Variants in ZMAT4 observed in about 807,000 individuals in gnomAD.
ZMAT4 encodes the protein zinc finger matrin-type 4.
A neutral mutation model predicts 28.7 loss-of-function variants in ZMAT4; 17 were observed. The ratio of observed to expected loss-of-function variants is 0.59; its 90% CI spans 0.41 to 0.89. The LOEUF (loss-of-function observed/expected upper bound fraction) is 0.89. Ranked by LOEUF, ZMAT4 falls within the 40% of genes least tolerant of loss-of-function variation. ZMAT4 has a pLI of 0.00. For synonymous variants in ZMAT4, 117 were observed against 109.2 expected (o/e 1.07, Z -0.44); for missense variants, 240 against 283.8 (o/e 0.85, Z 1.11).
chr8:40,819,094 CT>C (rs1266757700), intron 2 of ZMAT4, among the ~76,000 whole-genome samples: 2 of 152,120 alleles, frequency 1.3e-5, no homozygotes, highest in Non-Finnish European at 2.9e-5. Context: ...GGCCAAAGTT[CT>C]GTCGGAAGTC....
At chr8:40,669,721 G>A (rs2118885498) in intron 5 of ZMAT4, among the ~76,000 whole-genome samples, 2 of 152,284 alleles carry the variant, frequency 1.3e-5, no homozygotes, top group South Asian at 4.1e-4. Flanking sequence ...CCAGTCAACA[G>A]TAGGCTATTA....
rs368575486 is a variant in ZMAT4 at position 40,581,128 on chromosome 8, C to A, written c.674+37G>T. The A allele has an allele frequency of 3.2e-6, 5 of 1,551,230 alleles. No homozygotes were observed. The African/African-American group carries it at 4.1e-5, about 13-fold the overall frequency. ...TTAGTCATCTTACTAAAAATTACAT[C>A]GAAGAAACTGAAGAGTGAAAGCACA... On this transcript the variant is annotated intron_variant, in intron 6 of 6. Coordinates refer to ENST00000297737, the MANE Select transcript of ZMAT4 (RefSeq NM_024645.3).
intron 1 of ZMAT4, among the ~76,000 whole-genome samples, chr8:40,871,383 A>G (rs1307543689): frequency 6.6e-6 from 1 of 151,754 alleles, no homozygotes; most frequent in African/African-American, 2.4e-5. Flanking sequence ...ATCCCTACCC[A>G]CTCTCAAGTC....
intron 3 of ZMAT4, among the ~76,000 whole-genome samples, chr8:40,712,145 A>G (rs1178119301): frequency 9.9e-5 from 15 of 152,204 alleles, no homozygotes; most frequent in Admixed American, 9.8e-4. Context: ...ACCTGCTGTA[A>G]GGCATAAGGA....
chr8:40,619,312 A>G (rs1253817607), intron 5 of ZMAT4, among the ~76,000 whole-genome samples: 1 of 152,220 alleles, frequency 6.6e-6, no homozygotes. Context: ...AACTCTCTGC[A>G]GTCTGTCCAG....
chr8:40,747,322 C>T (rs1348513429), intron 3 of ZMAT4, among the ~76,000 whole-genome samples: 1 of 152,164 alleles, frequency 6.6e-6, no homozygotes, highest in Non-Finnish European at 1.5e-5. Context: ...TTACATGACT[C>T]GCCCATGATC....
At chr8:40,548,276 G>A (rs928088828) in intron 6 of ZMAT4, among the ~76,000 whole-genome samples, 1 of 151,844 alleles carries the variant, frequency 6.6e-6, no homozygotes, top group South Asian at 2.1e-4. Context: ...AAGATTTAGT[G>A]CATTAAAAGA....
chr8:40,635,032 G>C (rs1806739025), intron 5 of ZMAT4, among the ~76,000 whole-genome samples: 1 of 152,118 alleles, frequency 6.6e-6, no homozygotes, highest in African/African-American at 2.4e-5. Context: ...GGTGATGAGA[G>C]ATCTTTTTAA....
chr8:40,788,173 T>C (rs994768823), intron 2 of ZMAT4, among the ~76,000 whole-genome samples: 5 of 152,088 alleles, frequency 3.3e-5, no homozygotes, highest in Non-Finnish European at 7.4e-5. Flanking sequence ...TAAAAAAACA[T>C]GACTCCTTCT....
At chr8:40,786,776 C>T (rs1216143532) in intron 2 of ZMAT4, 5 of 1,282,814 alleles carry the variant, frequency 3.9e-6, no homozygotes, top group Non-Finnish European at 5.1e-6. Context: ...CTCAAGAATT[C>T]TGGACCCTAG....
At chr8:40,535,673 A>G (rs1176301222) in intron 6 of ZMAT4, among the ~76,000 whole-genome samples, 3 of 152,134 alleles carry the variant, frequency 2.0e-5, no homozygotes. Context: ...GTCTCAAAAA[A>G]AAAAAAAAAT....
At chr8:40,852,331 G>A (rs1817139919) in intron 1 of ZMAT4, among the ~76,000 whole-genome samples, 1 of 152,074 alleles carries the variant, frequency 6.6e-6, no homozygotes, top group Admixed American at 6.6e-5. Flanking sequence ...AAAATAAAAG[G>A]TTCATTTTAA....
intron 4 of ZMAT4, among the ~76,000 whole-genome samples, chr8:40,676,317 T>C (rs566869926): frequency 1.1e-4 from 16 of 152,296 alleles, no homozygotes; most frequent in Middle Eastern, 6.8e-3. Flanking sequence ...TCATATAGGA[T>C]TTCATTAAAT....
chr8:40,800,220 A>T (rs1814779033), intron 2 of ZMAT4, among the ~76,000 whole-genome samples: 1 of 152,250 alleles, frequency 6.6e-6, no homozygotes, highest in Non-Finnish European at 1.5e-5. Context: ...TATAGACCTA[A>T]TAACAAGGCG....
chr8:40,561,689 G>A (rs1803745016), intron 6 of ZMAT4, among the ~76,000 whole-genome samples: 1 of 152,160 alleles, frequency 6.6e-6, no homozygotes, highest in South Asian at 2.1e-4. Context: ...TCAACCCCCA[G>A]CCCACAGGCT....
intron 2 of ZMAT4, among the ~76,000 whole-genome samples, chr8:40,793,225 G>A (rs1307071271): frequency 1.3e-5 from 2 of 152,138 alleles, no homozygotes; most frequent in Admixed American, 1.3e-4. Context: ...TCAATTTTTT[G>A]TAAACCTAAA....
At chr8:40,889,153 A>T (rs1818574795) in intron 1 of ZMAT4, among the ~76,000 whole-genome samples, 1 of 152,182 alleles carries the variant, frequency 6.6e-6, no homozygotes, top group African/African-American at 2.4e-5. Flanking sequence ...GACAGGCCTG[A>T]CCACTGCAGG....
chr8:40,827,251 C>T (rs1368242919), intron 1 of ZMAT4, among the ~76,000 whole-genome samples: 1 of 152,050 alleles, frequency 6.6e-6, no homozygotes, highest in African/African-American at 2.4e-5. Flanking sequence ...ATTTACCATG[C>T]CTTCTAAGAA....
At chr8:40,755,246 G>T (rs1034328290) in intron 3 of ZMAT4, among the ~76,000 whole-genome samples, 1 of 152,136 alleles carries the variant, frequency 6.6e-6, no homozygotes, top group Non-Finnish European at 1.5e-5. Context: ...AGGAAGAGAA[G>T]AAAGGCACCT....
Sources: gnomAD v4.1 joint callset for allele counts (sites outside exome capture counted in the v4.1 genomes callset) on GRCh38, gnomAD v4.1.1 for gene constraint, MANE v1.5 for transcripts, NCBI Gene and HGNC (gene_info 2026-07-23, HGNC 2026-07-21) for gene names.